DPYD: variants seen among roughly 807,000 people sequenced by gnomAD.
DPYD encodes the protein dihydropyrimidine dehydrogenase, also known as dihydropyrimidine dehydrogenase [NADP(+)].
A neutral mutation model predicts 116.2 loss-of-function variants in DPYD; 109 were observed. The ratio of observed to expected loss-of-function variants is 0.94; its 90% CI spans 0.80 to 1.10. The LOEUF is 1.10. Among genes scored for constraint, DPYD ranks in the 50% least tolerant of loss-of-function variants. The pLI, the probability that DPYD is intolerant of heterozygous loss-of-function variation, is 0.00. For synonymous variants in DPYD, 440 were observed against 432.0 expected, an observed-to-expected ratio of 1.02 and a Z score of -0.23; for missense variants, 1,302 against 1,254.5, an observed-to-expected ratio of 1.04 and a Z score of -0.57.
At chr1:97,599,056 G>A (rs2786496) in intron 8 of DPYD, among the ~76,000 whole-genome samples, 145,130 of 152,314 alleles carry the variant, frequency 0.95, 69,323 homozygotes, top group Non-Finnish European at 0.99. Flanking sequence ...GCAGATATGC[G>A]TACCTCACAG....
chr1:97,593,884 T>C (rs933697715), intron 9 of DPYD, among the ~76,000 whole-genome samples: 1 of 152,180 alleles, frequency 6.6e-6, no homozygotes, highest in Non-Finnish European at 1.5e-5. Context: ...TGAATAAGTG[T>C]CCTTTATGTA....
intron 20 of DPYD, among the ~76,000 whole-genome samples, chr1:97,160,495 T>G (rs1032999154): frequency 6.6e-6 from 1 of 152,068 alleles, no homozygotes; most frequent in Admixed American, 6.6e-5. Context: ...CAGCAGAATT[T>G]TGAAGGCCAA....
In DPYD at chr1:97,450,042, T is replaced by A. The variant is rs369990607; in HGVS notation, c.1905+17A>T. ...CTTATGCCAATTCTCTTGTTTTAGA[T>A]GTTAAATCACACTTACGTTGTCTGG... is the stretch of plus-strand genomic sequence containing the variant. On this transcript the variant is annotated intron_variant, in intron 14 of 22. Transcript: ENST00000370192. 6.2e-7 allele frequency: 1 copy of A among 1,613,748 alleles called. No homozygotes were observed. The highest frequency in any genetic ancestry group is 8.5e-7 in the Non-Finnish European group (1 of 1,179,716).
chr1:97,920,092 C>T (rs1208139848), intron 1 of DPYD, among the ~76,000 whole-genome samples: 1 of 152,134 alleles, frequency 6.6e-6, no homozygotes, highest in East Asian at 1.9e-4. Flanking sequence ...TTTGTCTTAG[C>T]TCAAAAGTGC....
intron 13 of DPYD, among the ~76,000 whole-genome samples, chr1:97,498,641 A>C (rs1679406323): frequency 6.6e-6 from 1 of 151,726 alleles, no homozygotes; most frequent in Non-Finnish European, 1.5e-5. Flanking sequence ...TACATTTTAA[A>C]AATTATTTTA....
At chr1:97,908,756 T>G (rs1336554301) in intron 1 of DPYD, among the ~76,000 whole-genome samples, 1 of 152,242 alleles carries the variant, frequency 6.6e-6, no homozygotes, top group African/African-American at 2.4e-5. Context: ...CTGACCTTCC[T>G]GAAACCATCA....
intron 14 of DPYD, among the ~76,000 whole-genome samples, chr1:97,433,787 T>C (rs572653813): frequency 6.6e-6 from 1 of 152,328 alleles, no homozygotes; most frequent in South Asian, 2.1e-4. Context: ...AGTTGAATAG[T>C]ATGTATGAAA....
At chr1:97,660,671 T>A (rs1410612265) in intron 8 of DPYD, among the ~76,000 whole-genome samples, 1 of 152,148 alleles carries the variant, frequency 6.6e-6, no homozygotes, top group Non-Finnish European at 1.5e-5. Flanking sequence ...AAAGCCTTCC[T>A]ACTCAAAGGA....
At chr1:97,283,428 T>C (rs1422495334) in intron 18 of DPYD, among the ~76,000 whole-genome samples, 2 of 152,100 alleles carry the variant, frequency 1.3e-5, no homozygotes, top group African/African-American at 4.8e-5. Context: ...TCACCTTTCA[T>C]CTAGGTGAAA....
chr1:97,110,646 CT>C (rs1322988706), intron 20 of DPYD, among the ~76,000 whole-genome samples: 1 of 152,132 alleles, frequency 6.6e-6, no homozygotes, highest in African/African-American at 2.4e-5. Context: ...CTTCAAACTT[CT>C]TTTAAGCATT....
intron 7 of DPYD, among the ~76,000 whole-genome samples, chr1:97,682,711 C>A (rs961208254): frequency 6.6e-6 from 1 of 152,016 alleles, no homozygotes; most frequent in Admixed American, 6.6e-5. Context: ...AATCATATTA[C>A]GGGCATTTTG....
intron 13 of DPYD, among the ~76,000 whole-genome samples, chr1:97,450,911 G>T (rs1210663163): frequency 1.3e-5 from 2 of 152,024 alleles, no homozygotes; most frequent in Admixed American, 6.6e-5. Flanking sequence ...ATCCACAACT[G>T]CTTCTAAAGC....
In DPYD at chr1:97,450,071, G is replaced by A. The variant is rs941635373; in HGVS notation, c.1893C>T (p.Asp631=). 4.3e-6 allele frequency: 7 copies of A among 1,613,894 alleles called. No homozygotes were observed. Among genetic ancestry groups the A allele is most frequent in the Non-Finnish European group, 5.1e-6 (6 of 1,179,852 alleles). Residue 631 remains aspartate (D), a synonymous_variant, in exon 14 of 23, where the codon GAC becomes GAT. Transcript: ENST00000370192. ...AAATCACACTTACGTTGTCTGGAAA[G>A]TCAGCCTTTAGTTCAGTGACACTTT... ...WCQSVTELKA[D]FPDNIVIASI...
chr1:97,413,511 T>C (rs1263903281), intron 14 of DPYD, among the ~76,000 whole-genome samples: 1 of 152,196 alleles, frequency 6.6e-6, no homozygotes, highest in Non-Finnish European at 1.5e-5. Flanking sequence ...TCACCCAGGC[T>C]GGAGTGCAGT....
chr1:97,339,202 A>T (rs1188459208), intron 16 of DPYD, among the ~76,000 whole-genome samples: 1 of 152,192 alleles, frequency 6.6e-6, no homozygotes, highest in Non-Finnish European at 1.5e-5. Flanking sequence ...ACATGCAAAG[A>T]GAAGTAGTTC....
chr1:97,304,613 C>T (rs935218291), intron 18 of DPYD, among the ~76,000 whole-genome samples: 1 of 152,088 alleles, frequency 6.6e-6, no homozygotes, highest in Non-Finnish European at 1.5e-5. Context: ...TAATCCCAAA[C>T]CAGTACAGTC....
At chr1:97,827,038 T>C (rs1198712810) in intron 3 of DPYD, among the ~76,000 whole-genome samples, 1 of 152,086 alleles carries the variant, frequency 6.6e-6, no homozygotes, top group Non-Finnish European at 1.5e-5. Flanking sequence ...GGCTTCAAAA[T>C]GAGGGCAGCT....
intron 16 of DPYD, among the ~76,000 whole-genome samples, chr1:97,360,379 A>G (rs1481339448): frequency 6.6e-6 from 1 of 152,204 alleles, no homozygotes; most frequent in Non-Finnish European, 1.5e-5. Flanking sequence ...TCCACTGTCA[A>G]TATTAGACAG....
chr1:97,796,404 G>C (rs1667571944), intron 3 of DPYD, among the ~76,000 whole-genome samples: 1 of 152,020 alleles, frequency 6.6e-6, no homozygotes. Flanking sequence ...TGGAATCTCT[G>C]AGTCTACATT....
Sources: allele counts gnomAD v4.1 joint callset (sites outside exome capture counted in the v4.1 genomes callset), GRCh38; gene constraint gnomAD v4.1.1; transcripts MANE v1.5; gene names NCBI Gene and HGNC (gene_info 2026-07-23, HGNC 2026-07-21).